Variants in ZNF140 observed in about 807,000 individuals in gnomAD.
ZNF140 encodes the protein zinc finger protein 140 (clone pHZ-39).
In ZNF140, 13 loss-of-function variants were observed where a neutral mutation model predicts 12.9. That is an observed-to-expected ratio of 1.01 (90% confidence interval 0.66 to 1.60). The LOEUF (loss-of-function observed/expected upper bound fraction) is 1.60, where lower values mean the gene tolerates loss of function less well. ZNF140 is among the 40% of genes most tolerant of loss of function. The pLI is 0.00. For missense variants in ZNF140, 531 were observed against 548.8 expected, an observed-to-expected ratio of 0.97 and a Z score of 0.32; for synonymous variants, 214 against 186.7, an observed-to-expected ratio of 1.15 and a Z score of -1.19.
intron 4 of ZNF140, among the ~76,000 whole-genome samples, chr12:133,088,255 C>T (rs1011218473): frequency 1.8e-4 from 27 of 152,274 alleles, no homozygotes; most frequent in African/African-American, 6.5e-4. Flanking sequence ...ACTAAAAATT[C>T]TCTGTGTTCT....
chr12:133,097,344 A>T lies in ZNF140; in HGVS notation c.233-8166A>T, dbSNP rs1321135516. ...ATTTAGACTGTTGACCTTCATTTTTAAAATTTATTTAATTTTTGGCTGGGT... is the reference window on the plus strand; with the variant it reads ...ATTTAGACTGTTGACCTTCATTTTTTAAATTTATTTAATTTTTGGCTGGGT... On this transcript the variant is annotated intron_variant, in intron 4 of 4. Transcript: ENST00000355557. 2.6e-5 allele frequency among the ~76,000 whole-genome samples: 4 copies of T among 152,286 alleles called. No homozygotes were observed. The East Asian group carries it at 7.7e-4, about 29-fold the overall frequency.
chr12:133,103,193 TTCTC>T (rs1238702372), intron 4 of ZNF140, among the ~76,000 whole-genome samples: 4 of 152,220 alleles, frequency 2.6e-5, no homozygotes, highest in South Asian at 2.1e-4. Flanking sequence ...CATTCAAAAC[TTCTC>T]TCTTCTATTT....
chr12:133,102,967 TCA>T (rs1326328419), intron 4 of ZNF140, among the ~76,000 whole-genome samples: 1 of 149,364 alleles, frequency 6.7e-6, no homozygotes, highest in Non-Finnish European at 1.5e-5. Flanking sequence ...TTTTTTACTC[TCA>T]TTGTTGTGAG....
rs1555295972 is a variant in ZNF140 at position 133,105,931 on chromosome 12, G to A, written c.654G>A (p.Glu218=). ...TACATACTGGAAAGAAACCCCATGA[G>A]TGTAAGGACTGTAATAAAACATTCA... The part of the protein sequence containing the change: ...QMIHTGKKPH[E]CKDCNKTFSY... The change falls in exon 5 of 5, where the codon GAG becomes GAA. Residue 218 remains glutamate (E), a synonymous_variant. Coordinates refer to ENST00000355557, the MANE Select transcript of ZNF140 (RefSeq NM_003440.4). 1.2e-6 allele frequency: 2 copies of A among 1,614,006 alleles called. No homozygotes were observed. Among genetic ancestry groups the A allele is most frequent in the Admixed American group, 1.7e-5 (1 of 60,002 alleles).
At chr12:133,090,589 A>AAG (rs1402918052) in intron 4 of ZNF140, among the ~76,000 whole-genome samples, 2 of 151,562 alleles carry the variant, frequency 1.3e-5, no homozygotes, top group East Asian at 3.9e-4. Context: ...CGGGTGGGAC[A>AAG]AGAGACTGAG....
chr12:133,104,837 C>T (rs1955525712), intron 4 of ZNF140, among the ~76,000 whole-genome samples: 1 of 152,124 alleles, frequency 6.6e-6, no homozygotes, highest in Non-Finnish European at 1.5e-5. Context: ...AAAGGTTACT[C>T]ATGTTACATG....
At chr12:133,101,852 TA>T (rs1352999628) in intron 4 of ZNF140, among the ~76,000 whole-genome samples, 1 of 152,224 alleles carries the variant, frequency 6.6e-6, no homozygotes, top group Non-Finnish European at 1.5e-5. Flanking sequence ...TTTTTCCCAG[TA>T]AAACTGTTAG....
At chr12:133,101,004 A>G (rs900474642) in intron 4 of ZNF140, 12 of 454,832 alleles carry the variant, frequency 2.6e-5, no homozygotes, top group South Asian at 1.9e-4. Flanking sequence ...AAGTGGTGAA[A>G]AACTACAGAG....
chr12:133,100,337 T>A (rs1258875949), intron 4 of ZNF140, among the ~76,000 whole-genome samples: 1 of 151,946 alleles, frequency 6.6e-6, no homozygotes, highest in African/African-American at 2.4e-5. Context: ...TTGGCTAATT[T>A]AAAAAAATTT....
chr12:133,101,267 CTTCT>C (rs1343377297), intron 4 of ZNF140, among the ~76,000 whole-genome samples: 3 of 152,058 alleles, frequency 2.0e-5, no homozygotes, highest in Non-Finnish European at 2.9e-5. Flanking sequence ...TCTGTTCTTC[CTTCT>C]TTTTTAGTAT....
In ZNF140 at chr12:133,083,535, G is replaced by A. The variant is rs200045659; in HGVS notation, c.206G>A (p.Arg69Lys). The A allele has an allele frequency of 6.9e-5, 112 of 1,613,976 alleles. No individual in the cohort carries two copies. The highest frequency in any genetic ancestry group is 9.1e-5 in the Non-Finnish European group (107 of 1,180,008). The change falls in exon 4 of 5, where the codon AGG becomes AAG. Residue 69 changes from arginine (R) to lysine (K), a missense_variant. Coordinates refer to ENST00000355557, the MANE Select transcript of ZNF140 (RefSeq NM_003440.4). ...GGGAAAGAACCCTGGCTGGGGAAAA[G>A]GGAAGTGAAAAGAGATCTGTTTTCA... is the stretch of plus-strand genomic sequence containing the variant. ...EQGKEPWLGK[R>K]EVKRDLFSVS...
intron 4 of ZNF140, among the ~76,000 whole-genome samples, chr12:133,099,556 C>T (rs1478479941): frequency 6.6e-6 from 1 of 152,124 alleles, no homozygotes; most frequent in African/African-American, 2.4e-5. Flanking sequence ...GGTGCAGTGG[C>T]TCACACTTGG....
At chr12:133,097,593 A>C (rs1378442440) in intron 4 of ZNF140, among the ~76,000 whole-genome samples, 4 of 150,712 alleles carry the variant, frequency 2.7e-5, no homozygotes, top group Non-Finnish European at 5.9e-5. Context: ...CAGTGAGCCG[A>C]GATCACACCA....
chr12:133,102,764 AG>A (rs1955396224), intron 4 of ZNF140, among the ~76,000 whole-genome samples: 2 of 148,926 alleles, frequency 1.3e-5, no homozygotes, highest in Admixed American at 6.7e-5. Context: ...AAAAAAAAAA[AG>A]AAAAAAGAAA....
At chr12:133,081,245 G>A in intron 1 of ZNF140, 28 bp from the exon 2 acceptor site, 2 of 1,368,520 alleles carry the variant, frequency 1.5e-6, no homozygotes, top group Admixed American at 2.0e-5. Flanking sequence ...TGGCCTGTTC[G>A]CTCAGGGCTC....
At chr12:133,098,706 A>G (rs922662642) in intron 4 of ZNF140, among the ~76,000 whole-genome samples, 5 of 151,758 alleles carry the variant, frequency 3.3e-5, no homozygotes, top group African/African-American at 1.2e-4. Flanking sequence ...ATACATTGTT[A>G]TTATCATTAT....
chr12:133,088,252 A>T (rs1184090466), intron 4 of ZNF140, among the ~76,000 whole-genome samples: 1 of 152,206 alleles, frequency 6.6e-6, no homozygotes, highest in African/African-American at 2.4e-5. Context: ...TGCACTAAAA[A>T]TTCTCTGTGT....
intron 4 of ZNF140, among the ~76,000 whole-genome samples, chr12:133,094,567 TG>T (rs2137533354): frequency 6.6e-6 from 1 of 151,268 alleles, no homozygotes; most frequent in East Asian, 1.9e-4. Context: ...AGAGAGAAAG[TG>T]GGTGGAACAC....
intron 4 of ZNF140, among the ~76,000 whole-genome samples, chr12:133,087,569 C>T (rs1450805308): frequency 6.7e-6 from 1 of 149,660 alleles, no homozygotes; most frequent in Admixed American, 6.7e-5. Flanking sequence ...AAATCTATAA[C>T]TAGTTGTTAT....
Sources: allele counts gnomAD v4.1 joint callset (sites outside exome capture counted in the v4.1 genomes callset), GRCh38; gene constraint gnomAD v4.1.1; transcripts MANE v1.5; gene names NCBI Gene and HGNC (gene_info 2026-07-23, HGNC 2026-07-21).